The following TENM1 variants were observed in gnomAD, a reference collection of about 807,000 sequenced individuals.
TENM1 encodes the protein teneurin-1.
Under a neutral mutation model 174.8 loss-of-function variants are expected in TENM1, and 35 were observed. The ratio of observed to expected loss-of-function variants is 0.20; its 90% CI spans 0.15 to 0.27. The LOEUF is 0.27. Ranked by LOEUF, TENM1 falls within the 10% of genes least tolerant of loss-of-function variation. The pLI is 1.00. For synonymous variants in TENM1, 781 were observed against 798.7 expected, an observed-to-expected ratio of 0.98 and a Z score of 0.37; for missense variants, 1,633 against 2,130.1, an observed-to-expected ratio of 0.77 and a Z score of 4.59.
At chrX:124,780,491 G>A (rs146428686) in intron 3 of TENM1, among the ~76,000 whole-genome samples, 23 of 111,361 alleles carry the variant, frequency 2.1e-4, no homozygotes, top group African/African-American at 6.9e-4. Context: ...GACTTTAGAT[G>A]GCTTATATCA....
At chrX:125,112,767 C>T in the TENM1 span, among the ~76,000 whole-genome samples, 6 of 110,922 alleles carry the variant, frequency 5.4e-5, no homozygotes, top group South Asian at 2.3e-3. Context: ...AAGAACATGA[C>T]CTGTACACTA....
At chrX:125,104,091 T>G in the TENM1 span, among the ~76,000 whole-genome samples, 3,161 of 112,190 alleles carry the variant, frequency 0.028, 50 homozygotes, top group Middle Eastern at 0.047. Flanking sequence ...AGTTCATTCA[T>G]GTCACCACAA....
In TENM1 at chrX:124,381,171, A is replaced by G. The variant is rs924904084; in HGVS notation, c.7564T>C (p.Phe2522Leu). ...CCAAAAACAGAAGGGACAGCAGCAA[A>G]CCTTGGTTGCTTCCCTCCTTCAAGG... The change falls in exon 32 of 32, where the codon TTT becomes CTT. Residue 2522 changes from phenylalanine to leucine, a missense_variant. Phe to Leu is a conservative substitution (Grantham distance 22, BLOSUM62 0). Coordinates refer to ENST00000422452, the Ensembl canonical transcript of TENM1. 8.3e-6 allele frequency: 10 copies of G among 1,208,748 alleles called. No homozygotes were observed. The African/African-American group carries it at 1.7e-4, about 21-fold the overall frequency.
At chrX:125,051,657 C>A in the TENM1 span, among the ~76,000 whole-genome samples, 18 of 104,504 alleles carry the variant, frequency 1.7e-4, no homozygotes, top group Non-Finnish European at 3.5e-4. Context: ...AAAGCTGAAA[C>A]TGGATCCCTT....
chrX:124,718,616 T>C (rs771280428), intron 4 of TENM1, among the ~76,000 whole-genome samples: 1 of 112,094 alleles, frequency 8.9e-6, no homozygotes, highest in Non-Finnish European at 1.9e-5. Flanking sequence ...TAAATGGATG[T>C]AGTTTAATGG....
At chrX:125,057,385 T>TGAGG in the TENM1 span, among the ~76,000 whole-genome samples, 2 of 109,424 alleles carry the variant, frequency 1.8e-5, no homozygotes, top group Non-Finnish European at 3.8e-5. Context: ...CACATTACTG[T>TGAGG]ATGTATTACT....
intron 11 of TENM1, among the ~76,000 whole-genome samples, chrX:124,590,013 A>C (rs986220094): frequency 9.0e-6 from 1 of 111,679 alleles, no homozygotes; most frequent in Non-Finnish European, 1.9e-5. Context: ...TAGATCATTA[A>C]TTTGAGATGT....
At chrX:124,672,931 G>A (rs2051961105) in intron 5 of TENM1, among the ~76,000 whole-genome samples, 1 of 112,178 alleles carries the variant, frequency 8.9e-6, no homozygotes, top group African/African-American at 3.2e-5. Flanking sequence ...CATGTTAACA[G>A]CATGGGAAGC....
chrX:124,840,974 A>G (rs2056486219), intron 3 of TENM1, among the ~76,000 whole-genome samples: 1 of 112,189 alleles, frequency 8.9e-6, no homozygotes, highest in South Asian at 3.7e-4. Flanking sequence ...AAGTTAGAAC[A>G]TGATTTGCTG....
the TENM1 span, among the ~76,000 whole-genome samples, chrX:125,109,608 G>T: frequency 9.0e-6 from 1 of 110,930 alleles, no homozygotes; most frequent in African/African-American, 3.3e-5. Flanking sequence ...GACAATCTAG[G>T]CATACTTCAT....
chrX:124,926,792 A>C (rs111397992), intron 1 of TENM1, among the ~76,000 whole-genome samples: 1 of 112,189 alleles, frequency 8.9e-6, no homozygotes, highest in African/African-American at 3.2e-5. Flanking sequence ...TTATTTCGCT[A>C]TGATTATTTT....
At chrX:124,997,598 G>T in the TENM1 span, among the ~76,000 whole-genome samples, 1,455 of 111,569 alleles carry the variant, frequency 0.013, 34 homozygotes, top group African/African-American at 0.044. Context: ...TCAGTTTAAT[G>T]TGCTTTAACA....
At chrX:125,156,784 T>A in the TENM1 span, among the ~76,000 whole-genome samples, 2 of 111,765 alleles carry the variant, frequency 1.8e-5, no homozygotes, top group Admixed American at 9.5e-5. Flanking sequence ...CAATCATGAG[T>A]TCGCTGGATT....
intron 23 of TENM1, among the ~76,000 whole-genome samples, chrX:124,442,138 C>T (rs1241137698): frequency 8.9e-6 from 1 of 112,284 alleles, no homozygotes; most frequent in Non-Finnish European, 1.9e-5. Flanking sequence ...CTACCACATG[C>T]CCTTGTGTCT....
chrX:124,787,207 C>T (rs945614587), intron 3 of TENM1, among the ~76,000 whole-genome samples: 1 of 111,685 alleles, frequency 9.0e-6, no homozygotes, highest in African/African-American at 3.3e-5. Context: ...TTGAGGTCAT[C>T]AGCTATAGTA....
At chrX:125,029,390 C>T in the TENM1 span, among the ~76,000 whole-genome samples, 1 of 111,348 alleles carries the variant, frequency 9.0e-6, no homozygotes, top group East Asian at 2.8e-4. Context: ...GAAGATATCC[C>T]ATCTCTTCGC....
intron 1 of TENM1, among the ~76,000 whole-genome samples, chrX:124,952,837 T>G (rs186227149): frequency 9.0e-6 from 1 of 111,638 alleles, no homozygotes; most frequent in African/African-American, 3.3e-5. Context: ...GTAACAAAAC[T>G]AAATACTTCA....
chrX:124,922,005 C>T (rs985142768), intron 1 of TENM1, among the ~76,000 whole-genome samples: 2 of 111,485 alleles, frequency 1.8e-5, no homozygotes, highest in African/African-American at 6.5e-5. Context: ...GGTTCATTGC[C>T]CATCATTGTT....
intron 5 of TENM1, among the ~76,000 whole-genome samples, chrX:124,687,012 AAAACC>A (rs1458035782): frequency 9.0e-6 from 1 of 111,701 alleles, no homozygotes; most frequent in African/African-American, 3.3e-5. Flanking sequence ...CTATATTTAG[AAAACC>A]TCATCGTCTC....
Sources: allele counts gnomAD v4.1 joint callset (sites outside exome capture counted in the v4.1 genomes callset), GRCh38; gene constraint gnomAD v4.1.1; transcripts MANE v1.5; gene names NCBI Gene and HGNC (gene_info 2026-07-23, HGNC 2026-07-21).